PLCXD3: variants seen among roughly 807,000 people sequenced by gnomAD.
The protein encoded by PLCXD3 is PI-PLC X domain-containing protein 3.
A neutral mutation model predicts 25.5 loss-of-function variants in PLCXD3; 19 were observed. The ratio of observed to expected loss-of-function variants is 0.75; its 90% CI spans 0.52 to 1.09. The LOEUF (loss-of-function observed/expected upper bound fraction) is 1.09, where lower values mean the gene tolerates loss of function less well. PLCXD3 is among the 50% of genes least tolerant of loss of function. The pLI is 0.00. For synonymous variants in PLCXD3, 174 were observed against 137.6 expected (o/e 1.26, Z -1.85); for missense variants, 411 against 388.1 (o/e 1.06, Z -0.50).
intron 1 of PLCXD3, among the ~76,000 whole-genome samples, chr5:41,397,241 A>C (rs1229252503): frequency 1.3e-5 from 2 of 152,200 alleles, no homozygotes; most frequent in African/African-American, 2.4e-5. Flanking sequence ...TGGGCCAGGC[A>C]CAGGGCCTTG....
At chr5:41,504,501 G>T (rs1018651162) in intron 1 of PLCXD3, among the ~76,000 whole-genome samples, 26 of 152,198 alleles carry the variant, frequency 1.7e-4, no homozygotes, top group African/African-American at 6.3e-4. Flanking sequence ...AGCAGTGATG[G>T]CAGAGTCAGC....
At chr5:41,325,888 G>A (rs1250799631) in intron 2 of PLCXD3, among the ~76,000 whole-genome samples, 3 of 152,128 alleles carry the variant, frequency 2.0e-5, no homozygotes, top group African/African-American at 7.2e-5. Flanking sequence ...TTTGGTGTTT[G>A]GTGAGGGCTC....
chr5:41,446,409 A>G (rs752434789), intron 1 of PLCXD3, among the ~76,000 whole-genome samples: 1 of 152,068 alleles, frequency 6.6e-6, no homozygotes, highest in Non-Finnish European at 1.5e-5. Context: ...CTGGCTGTTC[A>G]TTCTAAAACT....
intron 1 of PLCXD3, among the ~76,000 whole-genome samples, chr5:41,424,903 T>A (rs1746918413): frequency 6.6e-6 from 1 of 152,216 alleles, no homozygotes; most frequent in Non-Finnish European, 1.5e-5. Context: ...TGTCAAATCA[T>A]ACATACCCTT....
At chr5:41,467,706 T>C (rs1429459329) in intron 1 of PLCXD3, among the ~76,000 whole-genome samples, 1 of 152,222 alleles carries the variant, frequency 6.6e-6, no homozygotes, top group Non-Finnish European at 1.5e-5. Flanking sequence ...TATATGTAAG[T>C]CTTTAATCCA....
chr5:41,453,387 G>T (rs770100596), intron 1 of PLCXD3, among the ~76,000 whole-genome samples: 1 of 150,508 alleles, frequency 6.6e-6, no homozygotes. Context: ...CATGGCAATT[G>T]GTTTCCTCAA....
chr5:41,462,968 G>T (rs1747927685), intron 1 of PLCXD3, among the ~76,000 whole-genome samples: 1 of 151,942 alleles, frequency 6.6e-6, no homozygotes, highest in Non-Finnish European at 1.5e-5. Context: ...AAGAATTAAT[G>T]AAAAGTAAGA....
chr5:41,346,046 A>AT (rs1363996279), intron 2 of PLCXD3, among the ~76,000 whole-genome samples: 1 of 151,880 alleles, frequency 6.6e-6, no homozygotes. Flanking sequence ...CGCCTGGCTA[A>AT]TTTTTTGTAT....
chr5:41,429,118 C>T (rs900548259), intron 1 of PLCXD3, among the ~76,000 whole-genome samples: 1 of 152,050 alleles, frequency 6.6e-6, no homozygotes, highest in Non-Finnish European at 1.5e-5. Flanking sequence ...GGAGAAATCA[C>T]CCATCCTCTC....
At chr5:41,408,661 T>A (rs555240787) in intron 1 of PLCXD3, among the ~76,000 whole-genome samples, 12 of 152,348 alleles carry the variant, frequency 7.9e-5, no homozygotes, top group South Asian at 6.2e-4. Flanking sequence ...TTAATACTCA[T>A]AAGAAGAACT....
chr5:41,499,962 A>T (rs1038081182), intron 1 of PLCXD3, among the ~76,000 whole-genome samples: 2 of 151,810 alleles, frequency 1.3e-5, no homozygotes, highest in Non-Finnish European at 3.0e-5. Context: ...TCCTTATCTT[A>T]TGACATATGT....
chr5:41,476,988 T>G (rs1341963952), intron 1 of PLCXD3, among the ~76,000 whole-genome samples: 4 of 152,210 alleles, frequency 2.6e-5, no homozygotes, highest in African/African-American at 9.6e-5. Flanking sequence ...TGTTTTTCTG[T>G]CAATGACAAT....
intron 2 of PLCXD3, among the ~76,000 whole-genome samples, chr5:41,330,939 T>C (rs963168489): frequency 1.4e-3 from 206 of 152,276 alleles, no homozygotes; most frequent in African/African-American, 4.2e-3. Context: ...ATTGATGGGA[T>C]GTATCTCAAA....
At chr5:41,362,912 T>C (rs527440152) in intron 2 of PLCXD3, among the ~76,000 whole-genome samples, 58 of 152,340 alleles carry the variant, frequency 3.8e-4, no homozygotes, top group African/African-American at 1.3e-3. Flanking sequence ...TACTTTGGCA[T>C]CTCTTCCTGT....
intron 1 of PLCXD3, among the ~76,000 whole-genome samples, chr5:41,472,348 G>A (rs1748184599): frequency 6.6e-6 from 1 of 152,102 alleles, no homozygotes; most frequent in Non-Finnish European, 1.5e-5. Flanking sequence ...GGAGAGTATG[G>A]CCTAAGAATT....
chr5:41,502,542 T>C (rs1470859991), intron 1 of PLCXD3, among the ~76,000 whole-genome samples: 1 of 152,072 alleles, frequency 6.6e-6, no homozygotes, highest in Non-Finnish European at 1.5e-5. Context: ...AGGTGTTGAT[T>C]TGAGAATCAA....
intron 2 of PLCXD3, among the ~76,000 whole-genome samples, chr5:41,348,274 T>C (rs1024793946): frequency 1.3e-5 from 2 of 152,186 alleles, no homozygotes; most frequent in Non-Finnish European, 2.9e-5. Context: ...TACCATTATC[T>C]TAAAATATAG....
chr5:41,420,818 A>G (rs1322186021), intron 1 of PLCXD3, among the ~76,000 whole-genome samples: 1 of 152,190 alleles, frequency 6.6e-6, no homozygotes, highest in Non-Finnish European at 1.5e-5. Flanking sequence ...TCACCTTTGC[A>G]TTGTCTGCAA....
chr5:41,480,013 T>C (rs553620857), intron 1 of PLCXD3, among the ~76,000 whole-genome samples: 125 of 152,322 alleles, frequency 8.2e-4, no homozygotes, highest in Non-Finnish European at 1.6e-3. Context: ...TAAAGCATTG[T>C]CTCAAAGTTT....
Sources: gnomAD v4.1 joint callset for allele counts (sites outside exome capture counted in the v4.1 genomes callset) on GRCh38, gnomAD v4.1.1 for gene constraint, MANE v1.5 for transcripts, NCBI Gene and HGNC (gene_info 2026-07-23, HGNC 2026-07-21) for gene names.